The following FCHSD2 variants were observed in gnomAD, a reference collection of about 807,000 sequenced individuals.
FCHSD2 encodes F-BAR and double SH3 domains protein 2.
Under a neutral mutation model 108.1 loss-of-function variants are expected in FCHSD2, and 38 were observed. The observed-to-expected ratio is 0.35, with a 90% CI of 0.27 to 0.46. The LOEUF (loss-of-function observed/expected upper bound fraction) is 0.46. Among genes scored for constraint, FCHSD2 ranks in the 20% least tolerant of loss-of-function variants. The probability of loss-of-function intolerance (pLI) is 1.00; values close to 1 mark genes in which losing one functional copy is unlikely to be tolerated. For synonymous variants in FCHSD2, 279 were observed against 314.7 expected (o/e 0.89, Z 1.20); for missense variants, 751 against 897.8 (o/e 0.84, Z 2.09).
chr11:72,972,882 A>G (rs760963809), intron 8 of FCHSD2, among the ~76,000 whole-genome samples: 21 of 152,198 alleles, frequency 1.4e-4, no homozygotes, highest in Non-Finnish European at 2.1e-4. Flanking sequence ...TGATATGCAA[A>G]CAATGCTGAA....
chr11:72,923,673 G>A (rs897275476), intron 8 of FCHSD2, among the ~76,000 whole-genome samples: 5 of 152,084 alleles, frequency 3.3e-5, no homozygotes, highest in Non-Finnish European at 5.9e-5. Flanking sequence ...TGGGTGTGGT[G>A]GGTCACGCCT....
At chr11:72,962,798 C>T (rs775782859) in intron 8 of FCHSD2, among the ~76,000 whole-genome samples, 1 of 151,870 alleles carries the variant, frequency 6.6e-6, no homozygotes, top group Admixed American at 6.6e-5. Context: ...ACAAAGGTCC[C>T]TCCTATTTTT....
At chr11:72,972,932 C>T (rs1015470389) in intron 8 of FCHSD2, among the ~76,000 whole-genome samples, 2 of 152,216 alleles carry the variant, frequency 1.3e-5, no homozygotes, top group Non-Finnish European at 2.9e-5. Context: ...CTCTTTTGTA[C>T]AGCTTCTAAT....
Position 72,900,368 on chromosome 11 carries a change from T to C in FCHSD2, c.924+2175A>G, listed in dbSNP as rs754191463. 8.5e-6 allele frequency: 12 copies of C among 1,410,224 alleles called. No homozygotes were observed. The South Asian group carries it at 1.2e-4, about 14-fold the overall frequency. 87.4% of individuals were successfully genotyped at this position (1,410,224 alleles called of 1,614,324 possible). ...TTGCACAAGGACAAAAAACATAGCA[T>C]AGAGTTAGAAATTTAAGGCAAACAA... On this transcript the variant is annotated intron_variant, in intron 10 of 19. Transcript: ENST00000409418.
At chr11:73,136,545 A>C (rs759876577) in intron 2 of FCHSD2, among the ~76,000 whole-genome samples, 1 of 152,008 alleles carries the variant, frequency 6.6e-6, no homozygotes, top group Non-Finnish European at 1.5e-5. Context: ...AGACTGCCTC[A>C]AATTTAATAA....
intron 8 of FCHSD2, among the ~76,000 whole-genome samples, chr11:72,934,712 T>A (rs1220963172): frequency 6.6e-6 from 1 of 152,200 alleles, no homozygotes; most frequent in African/African-American, 2.4e-5. Flanking sequence ...AAGGTTTATA[T>A]AAATGTGAGT....
intron 2 of FCHSD2, among the ~76,000 whole-genome samples, chr11:73,100,982 A>C (rs1197308525): frequency 6.6e-6 from 1 of 151,982 alleles, no homozygotes; most frequent in African/African-American, 2.4e-5. Context: ...CAAGTGTCTA[A>C]GCTCTGAGCT....
intron 4 of FCHSD2, among the ~76,000 whole-genome samples, chr11:73,002,232 T>C (rs747306146): frequency 6.6e-6 from 1 of 152,196 alleles, no homozygotes; most frequent in Non-Finnish European, 1.5e-5. Context: ...AAAAACTTGA[T>C]AAACTATGGT....
intron 4 of FCHSD2, among the ~76,000 whole-genome samples, chr11:73,007,490 G>A (rs1857766178): frequency 6.6e-6 from 1 of 152,134 alleles, no homozygotes; most frequent in African/African-American, 2.4e-5. Flanking sequence ...AAGCATGGTG[G>A]TAGTGGTGGC....
At chr11:73,021,138 A>G (rs377764706) in intron 3 of FCHSD2, among the ~76,000 whole-genome samples, 161 of 152,054 alleles carry the variant, frequency 1.1e-3, no homozygotes, top group African/African-American at 3.7e-3. Flanking sequence ...CTGCCTCCCA[A>G]AGGGCTGGGA....
At position 72,972,566 on chromosome 11, in the gene FCHSD2, T is replaced by C. The variant is rs577797281; in HGVS notation, c.705+11522A>G. Among the ~76,000 whole-genome samples the C allele has an allele frequency of 8.5e-5, 13 of 152,312 alleles. No homozygotes were observed. In the South Asian group the frequency reaches 2.7e-3, roughly 32 times the overall value. On this transcript the variant is annotated intron_variant, in intron 8 of 19. Coordinates refer to ENST00000409418, the MANE Select transcript of FCHSD2 (RefSeq NM_014824.3). ...CTGCTTTATATATAAAGATTCCATG[T>C]AGGAGTTTGTTTTAAAAAGTTGTTC... is the stretch of plus-strand genomic sequence containing the variant.
At chr11:72,977,645 G>A (rs913686435) in intron 8 of FCHSD2, among the ~76,000 whole-genome samples, 2 of 152,234 alleles carry the variant, frequency 1.3e-5, no homozygotes, top group Non-Finnish European at 2.9e-5. Context: ...ACACCAGTTA[G>A]AATGGCAATC....
intron 8 of FCHSD2, chr11:72,940,656 C>A: frequency 1.5e-6 from 2 of 1,321,126 alleles, no homozygotes; most frequent in Non-Finnish European, 2.2e-6. Context: ...GACCAGGCTG[C>A]AAGGCCAAGC....
intron 12 of FCHSD2, among the ~76,000 whole-genome samples, chr11:72,878,291 A>G (rs913946187): frequency 5.3e-5 from 8 of 152,184 alleles, no homozygotes; most frequent in African/African-American, 9.7e-5. Flanking sequence ...CCCTGTCTCT[A>G]AAAATAAGTA....
At chr11:73,030,960 G>A (rs971818670) in intron 3 of FCHSD2, among the ~76,000 whole-genome samples, 2 of 151,688 alleles carry the variant, frequency 1.3e-5, no homozygotes, top group African/African-American at 4.8e-5. Context: ...TTTGACCTAA[G>A]AAACTGTAGT....
intron 3 of FCHSD2, among the ~76,000 whole-genome samples, chr11:73,064,913 A>T (rs1188258810): frequency 6.6e-6 from 1 of 152,198 alleles, no homozygotes; most frequent in African/African-American, 2.4e-5. Flanking sequence ...TTCACAGCCA[A>T]ATTCTACCAG....
chr11:72,862,017 T>C (rs372047817), intron 13 of FCHSD2, among the ~76,000 whole-genome samples: 26 of 151,684 alleles, frequency 1.7e-4, no homozygotes, highest in African/African-American at 5.3e-4. Flanking sequence ...TGAATAATCA[T>C]CAATGCAATT....
At chr11:72,847,427 A>G (rs576473191) in intron 14 of FCHSD2, among the ~76,000 whole-genome samples, 2 of 152,214 alleles carry the variant, frequency 1.3e-5, no homozygotes, top group Non-Finnish European at 2.9e-5. Flanking sequence ...CGTGCTGGGC[A>G]TTGTCCTAGG....
At chr11:73,125,236 CT>C (rs1406733599) in intron 2 of FCHSD2, among the ~76,000 whole-genome samples, 1 of 152,158 alleles carries the variant, frequency 6.6e-6, no homozygotes, top group East Asian at 1.9e-4. Context: ...AAATATAAGA[CT>C]TTTTTCCTTC....
Sources: allele counts gnomAD v4.1 joint callset (sites outside exome capture counted in the v4.1 genomes callset), GRCh38; gene constraint gnomAD v4.1.1; transcripts MANE v1.5; gene names NCBI Gene and HGNC (gene_info 2026-07-23, HGNC 2026-07-21).